COL26A1: variants seen among roughly 807,000 people sequenced by gnomAD.
COL26A1 encodes the protein collagen alpha-1(XXVI) chain.
Under a neutral mutation model 59.3 loss-of-function variants are expected in COL26A1, and 41 were observed. The observed-to-expected ratio is 0.69, with a 90% CI of 0.54 to 0.90. The LOEUF (loss-of-function observed/expected upper bound fraction) is 0.90. Ranked by LOEUF, COL26A1 falls within the 40% of genes least tolerant of loss-of-function variation. The pLI, the probability that COL26A1 is intolerant of heterozygous loss-of-function variation, is 0.00. For missense variants in COL26A1, 612 were observed against 602.3 expected (o/e 1.02, Z -0.17); for synonymous variants, 266 against 256.0 (o/e 1.04, Z -0.37).
chr7:101,511,247 A>T (rs1007094677), intron 3 of COL26A1, among the ~76,000 whole-genome samples: 1 of 152,210 alleles, frequency 6.6e-6, no homozygotes, highest in Non-Finnish European at 1.5e-5. Context: ...TCAAGTCGAC[A>T]TCAGGTGGTG....
At position 101,544,052 on chromosome 7, in the gene COL26A1, G is replaced by A. The variant is rs1415865731; in HGVS notation, c.659G>A (p.Gly220Asp). The change falls in exon 6 of 13, where the codon GGT (glycine) becomes GAT (aspartate). Residue 220 changes from glycine (G) to aspartate (D), a missense_variant. Transcript: ENST00000313669. Reference sequence around the variant, plus strand: ...CCTGCAGGCCCCCCCGGGTCTAAAGGTGACCGAGGCCAGACAGGAGAGAAG... The same window carrying A: ...CCTGCAGGCCCCCCCGGGTCTAAAGATGACCGAGGCCAGACAGGAGAGAAG... ...PGPAGPPGSK[G>D]DRGQTGEKGP... 3.1e-6 allele frequency: 5 copies of A among 1,604,972 alleles called. No individual in the cohort carries two copies. The highest frequency in any genetic ancestry group is 1.3e-5 in the African/African-American group (1 of 74,804).
intron 2 of COL26A1, among the ~76,000 whole-genome samples, chr7:101,431,966 ATTTTT>A: frequency 7.5e-6 from 1 of 133,594 alleles, no homozygotes; most frequent in African/African-American, 2.8e-5. Flanking sequence ...TAATTTTATA[ATTTTT>A]TTTTTTTTTT....
intron 2 of COL26A1, among the ~76,000 whole-genome samples, chr7:101,439,978 A>G (rs1381904705): frequency 1.3e-5 from 2 of 152,144 alleles, no homozygotes; most frequent in Non-Finnish European, 2.9e-5. Flanking sequence ...GGTGTCCTCA[A>G]CTGAGTGCGG....
At chr7:101,512,914 C>T (rs978573692) in intron 3 of COL26A1, among the ~76,000 whole-genome samples, 1 of 152,138 alleles carries the variant, frequency 6.6e-6, no homozygotes. Flanking sequence ...AAAGAAGCTT[C>T]TTGGCACATA....
chr7:101,505,650 T>G (rs560942695), intron 3 of COL26A1, among the ~76,000 whole-genome samples: 1 of 152,326 alleles, frequency 6.6e-6, no homozygotes, highest in Non-Finnish European at 1.5e-5. Context: ...GCCAGTCTAG[T>G]CTTTTCACAT....
intron 3 of COL26A1, among the ~76,000 whole-genome samples, chr7:101,451,020 T>C (rs889005094): frequency 1.9e-4 from 28 of 144,784 alleles, no homozygotes; most frequent in African/African-American, 6.2e-4. Context: ...GAATAATTGT[T>C]GATATATATT....
At position 101,421,746 on chromosome 7, in the gene COL26A1, C is replaced by T. The variant is rs559035897; in HGVS notation, c.281+1647C>T. Among the ~76,000 whole-genome samples the T allele has an allele frequency of 1.4e-4, 22 of 152,064 alleles. No homozygotes were observed. The South Asian group carries it at 3.3e-3, about 23-fold the overall frequency. ...TATCTACCAGGTTTCTCCACTGTTG[C>T]ATAATTATCTTTCCCTTTGTCTTTT... On this transcript the variant is annotated intron_variant, in intron 2 of 12. Coordinates refer to ENST00000313669, the MANE Select transcript of COL26A1 (RefSeq NM_001278563.3).
intron 3 of COL26A1, among the ~76,000 whole-genome samples, chr7:101,475,471 A>G (rs763911754): frequency 2.0e-5 from 3 of 152,074 alleles, no homozygotes; most frequent in Non-Finnish European, 4.4e-5. Context: ...ATTTAGGGGT[A>G]CAGTGTCCTG....
At chr7:101,371,393 A>G (rs921871949) in intron 1 of COL26A1, among the ~76,000 whole-genome samples, 1 of 152,134 alleles carries the variant, frequency 6.6e-6, no homozygotes, top group Non-Finnish European at 1.5e-5. Flanking sequence ...TCATGCCTTT[A>G]ATCCCAGCAC....
chr7:101,406,546 T>A (rs1321905164), intron 1 of COL26A1, among the ~76,000 whole-genome samples: 1 of 152,228 alleles, frequency 6.6e-6, no homozygotes, highest in Non-Finnish European at 1.5e-5. Flanking sequence ...CATGAGCACC[T>A]TCATGGACTG....
At chr7:101,533,192 G>T in intron 4 of COL26A1, 49 bp downstream of exon 4, 1 of 1,383,586 alleles carries the variant, frequency 7.2e-7, no homozygotes. Flanking sequence ...TGGGGACCTT[G>T]GGTGGTGGAG....
chr7:101,402,711 TTCTC>T (rs202008738), intron 1 of COL26A1, among the ~76,000 whole-genome samples: 1,854 of 125,842 alleles, frequency 0.015, 57 homozygotes, highest in African/African-American at 0.052. Context: ...TTTCATTTCT[TTCTC>T]TCTTTCTCTC....
intron 3 of COL26A1, among the ~76,000 whole-genome samples, chr7:101,505,598 G>A (rs1305016289): frequency 6.6e-6 from 1 of 152,212 alleles, no homozygotes; most frequent in Admixed American, 6.5e-5. Flanking sequence ...TCGAGGGCAG[G>A]AAGCATCCAG....
intron 1 of COL26A1, among the ~76,000 whole-genome samples, chr7:101,370,559 A>T (rs1791167819): frequency 6.6e-6 from 1 of 151,462 alleles, no homozygotes; most frequent in Non-Finnish European, 1.5e-5. Flanking sequence ...TTTAGAAGAG[A>T]TGGGGTTTTG....
chr7:101,470,981 C>A (rs921376011), intron 3 of COL26A1, among the ~76,000 whole-genome samples: 1 of 152,068 alleles, frequency 6.6e-6, no homozygotes, highest in African/African-American at 2.4e-5. Context: ...ACAAAACACA[C>A]TCCTATCACT....
At chr7:101,403,442 C>G (rs1792060129) in intron 1 of COL26A1, among the ~76,000 whole-genome samples, 1 of 152,050 alleles carries the variant, frequency 6.6e-6, no homozygotes, top group Admixed American at 6.6e-5. Flanking sequence ...TCACTTGAGC[C>G]TGGGAGGCAG....
At chr7:101,442,952 CGTAT>C (rs1793097932) in intron 2 of COL26A1, among the ~76,000 whole-genome samples, 1 of 151,786 alleles carries the variant, frequency 6.6e-6, no homozygotes, top group African/African-American at 2.4e-5. Flanking sequence ...TGAGGGTGTG[CGTAT>C]GTGTTAGTTT....
chr7:101,446,235 C>T (rs1020579489), intron 2 of COL26A1, among the ~76,000 whole-genome samples: 1 of 152,108 alleles, frequency 6.6e-6, no homozygotes, highest in Non-Finnish European at 1.5e-5. Flanking sequence ...CTGGGAATTA[C>T]ATTTCAACCT....
chr7:101,530,169 G>A (rs1183061017), intron 3 of COL26A1, among the ~76,000 whole-genome samples: 1 of 152,106 alleles, frequency 6.6e-6, no homozygotes, highest in Non-Finnish European at 1.5e-5. Flanking sequence ...AGCTGGGTGG[G>A]TGAGTGAATA....
Sources: gnomAD v4.1 joint callset for allele counts (sites outside exome capture counted in the v4.1 genomes callset) on GRCh38, gnomAD v4.1.1 for gene constraint, MANE v1.5 for transcripts, NCBI Gene and HGNC (gene_info 2026-07-23, HGNC 2026-07-21) for gene names.